The following FBXO28 variants were observed in gnomAD, a reference collection of about 807,000 sequenced individuals.
FBXO28 encodes the protein F-box protein 28.
FBXO28 carries 8 observed loss-of-function variants against 38.1 expected under a neutral mutation model. The observed-to-expected ratio is 0.21, with a 90% CI of 0.12 to 0.38. FBXO28 has a LOEUF of 0.38. Ranked by LOEUF, FBXO28 falls within the 10% of genes least tolerant of loss-of-function variation. FBXO28 has a pLI of 1.00. For synonymous variants in FBXO28, 168 were observed against 173.8 expected, an observed-to-expected ratio of 0.97 and a Z score of 0.26; for missense variants, 345 against 460.6, an observed-to-expected ratio of 0.75 and a Z score of 2.30.
At chr1:224,154,885 T>TG (rs1412031586) in intron 4 of FBXO28, among the ~76,000 whole-genome samples, 2 of 145,504 alleles carry the variant, frequency 1.4e-5, no homozygotes, top group African/African-American at 2.6e-5. Flanking sequence ...GGCTGAGGCA[T>TG]GAGAGTTACT....
intron 3 of FBXO28, among the ~76,000 whole-genome samples, chr1:224,141,290 T>C (rs751089174): frequency 2.0e-5 from 3 of 151,610 alleles, no homozygotes; most frequent in Non-Finnish European, 4.4e-5. Flanking sequence ...GGCTAACAGG[T>C]GAAACCCTGT....
chr1:224,134,022 C>T (rs573007097), intron 2 of FBXO28, 52 bp from the exon 3 acceptor site: 21 of 1,357,726 alleles, frequency 1.5e-5, no homozygotes, highest in South Asian at 1.7e-5. Context: ...ATATTTTAGT[C>T]CACAATACTG....
Position 224,140,713 on chromosome 1 carries a change from G to A in FBXO28, c.516+6501G>A, listed in dbSNP as rs555468372. ...TAATCCCAGCATTTTGGGAGGCTGAGGTGGGCGGATCACCTGAGGTCAAGA... is the reference window on the plus strand; with the variant it reads ...TAATCCCAGCATTTTGGGAGGCTGAAGTGGGCGGATCACCTGAGGTCAAGA... On this transcript the variant is annotated intron_variant, in intron 3 of 4. Transcript: ENST00000366862. Among the ~76,000 whole-genome samples the A allele has an allele frequency of 1.3e-4, 20 of 152,276 alleles. No homozygotes were observed. In the South Asian group the frequency reaches 4.1e-3, roughly 32 times the overall value.
At chr1:224,157,201 T>A (rs1657793220) in intron 4 of FBXO28, 151 bp from the exon 5 acceptor site, 1 of 886,674 alleles carries the variant, frequency 1.1e-6, no homozygotes, top group Admixed American at 3.1e-5. Context: ...TGTTAAATTA[T>A]GATGATTAAC....
Position 224,151,901 on chromosome 1 carries a change from G to GC in FBXO28, c.517-1241_517-1240insC, listed in dbSNP as rs1439469992. Among the ~76,000 whole-genome samples the GC allele has an allele frequency of 3.0e-4, 45 of 152,124 alleles. 1 individual carries two copies. Among genetic ancestry groups the GC allele is most frequent in the African/African-American group, 9.6e-4 (40 of 41,492 alleles). ...CTACTAAAAATACAAAATTAGCCAG[G>GC]TGTGGTGGCACATGTCTGTAATCCC... is the stretch of plus-strand genomic sequence containing the variant. On this transcript the variant is annotated intron_variant, in intron 3 of 4. Transcript: ENST00000366862.
In FBXO28 at chr1:224,114,129, G is replaced by C. The variant is rs201043643; in HGVS notation, c.-1G>C. The C allele has an allele frequency of 1.3e-4, 204 of 1,538,754 alleles. No individual in the cohort carries two copies. In the Admixed American group the frequency reaches 1.9e-3, roughly 14 times the overall value. On this transcript the variant is annotated 5_prime_UTR_variant, in exon 1 of 5. Transcript: ENST00000366862. The stretch of plus-strand genomic sequence containing the variant: ...TGGGGGTAAGGAATCAAGCCCCCAA[G>C]ATGGCGGCAGCGGCGGAGGAGCGGA...
chr1:224,134,049 G>T (rs531617227), intron 2 of FBXO28, 25 bp from the exon 3 acceptor site: 1 of 1,454,820 alleles, frequency 6.9e-7, no homozygotes. Context: ...TGGTTGCCTT[G>T]CTTTTATTAT....
intron 2 of FBXO28, among the ~76,000 whole-genome samples, chr1:224,133,129 C>G (rs916258112): frequency 6.6e-6 from 1 of 152,138 alleles, no homozygotes; most frequent in African/African-American, 2.4e-5. Flanking sequence ...AAACATAAGG[C>G]TACTGTATGA....
chr1:224,132,709 G>A lies in FBXO28; in HGVS notation c.378-1365G>A, dbSNP rs980626530. Among the ~76,000 whole-genome samples, 12 of 152,014 alleles carry A rather than the reference G, an allele frequency of 7.9e-5. 1 individual carries two copies. The East Asian group carries it at 2.1e-3, about 27-fold the overall frequency. On this transcript the variant is annotated intron_variant, in intron 2 of 4. Transcript: ENST00000366862. The stretch of plus-strand genomic sequence containing the variant: ...AATCCCAGCTTCTTAGGAGGCTGAG[G>A]CAGGAGAATTGCTTGAACCTGGGAG...
At position 224,114,183 on chromosome 1, in the gene FBXO28, C is replaced by T. The variant is rs984982179; in HGVS notation, c.54C>T (p.Gly18=). The part of the protein sequence containing the change: ...RMAEEGGGGQ[G]DGGSSLASGS... ...CAGAGGAAGGAGGCGGCGGCCAAGG[C>T]GACGGCGGTTCCTCTTTGGCCTCCG... Residue 18 remains glycine, a synonymous_variant, in exon 1 of 5, where the codon GGC becomes GGT. Coordinates refer to ENST00000366862, the MANE Select transcript of FBXO28 (RefSeq NM_015176.4). 1.3e-6 allele frequency: 2 copies of T among 1,547,452 alleles called. No individual in the cohort carries two copies. Among genetic ancestry groups the T allele is most frequent in the Admixed American group, 2.0e-5 (1 of 50,886 alleles).
intron 3 of FBXO28, among the ~76,000 whole-genome samples, chr1:224,150,931 T>C (rs1460321351): frequency 6.6e-6 from 1 of 152,174 alleles, no homozygotes; most frequent in East Asian, 1.9e-4. Context: ...CTTTGAAAAG[T>C]GACAAGTACA....
chr1:224,128,583 A>G (rs1204080028), intron 1 of FBXO28, among the ~76,000 whole-genome samples: 1 of 152,178 alleles, frequency 6.6e-6, no homozygotes, highest in Admixed American at 6.6e-5. Context: ...CATGTCTTAC[A>G]GGTAGCTGAC....
intron 3 of FBXO28, among the ~76,000 whole-genome samples, chr1:224,144,783 A>G (rs1283008555): frequency 6.6e-6 from 1 of 152,000 alleles, no homozygotes; most frequent in Non-Finnish European, 1.5e-5. Context: ...AAGCCCTCCT[A>G]TTTGTTATTG....
At chr1:224,136,705 G>A (rs1419090369) in intron 3 of FBXO28, among the ~76,000 whole-genome samples, 1 of 151,328 alleles carries the variant, frequency 6.6e-6, no homozygotes, top group Non-Finnish European at 1.5e-5. Context: ...TCCAGCCTGG[G>A]CGACAGAGCA....
In FBXO28 at chr1:224,157,375, A is replaced by G. The variant is rs1657797341; in HGVS notation, c.736A>G (p.Thr246Ala). The stretch of plus-strand genomic sequence containing the variant: ...AGTTCCAGGACCGTCTGCAGCCCTA[A>G]CAACAATGCAGCTCTTCTCCAAGCA... ...PPVPGPSAAL[T>A]TMQLFSKQNP... The change falls in exon 5 of 5, where the codon ACA becomes GCA. Residue 246 changes from threonine (T) to alanine (A), a missense_variant. Coordinates refer to ENST00000366862, the MANE Select transcript of FBXO28 (RefSeq NM_015176.4). 1 of 1,612,070 alleles carries G rather than the reference A, an allele frequency of 6.2e-7. No homozygotes were observed. The highest frequency in any genetic ancestry group is 2.2e-5 in the East Asian group (1 of 44,856).
chr1:224,127,233 T>C (rs887527973), intron 1 of FBXO28, among the ~76,000 whole-genome samples: 4 of 151,600 alleles, frequency 2.6e-5, no homozygotes, highest in South Asian at 2.1e-4. Context: ...GCTTATTTTT[T>C]CCACAAGTAT....
At chr1:224,126,724 C>T (rs1219321047) in intron 1 of FBXO28, among the ~76,000 whole-genome samples, 5 of 152,130 alleles carry the variant, frequency 3.3e-5, no homozygotes, top group Non-Finnish European at 7.4e-5. Context: ...GCAGGAGAAT[C>T]GCTTGAACCC....
chr1:224,148,955 T>TTACA (rs750937700), intron 3 of FBXO28, among the ~76,000 whole-genome samples: 1 of 152,212 alleles, frequency 6.6e-6, no homozygotes, highest in Non-Finnish European at 1.5e-5. Context: ...ATTGAACTTA[T>TTACA]TACAGTCTGA....
intron 1 of FBXO28, among the ~76,000 whole-genome samples, chr1:224,123,477 A>G (rs1245107024): frequency 4.6e-5 from 7 of 150,644 alleles, no homozygotes; most frequent in African/African-American, 1.5e-4. Context: ...TTGGGTTCCA[A>G]TACAATATTT....
Sources: gnomAD v4.1 joint callset for allele counts (sites outside exome capture counted in the v4.1 genomes callset) on GRCh38, gnomAD v4.1.1 for gene constraint, MANE v1.5 for transcripts, NCBI Gene and HGNC (gene_info 2026-07-23, HGNC 2026-07-21) for gene names.